CATSPERG: variants seen among roughly 807,000 people sequenced by gnomAD.
CATSPERG encodes the protein catsper channel auxiliary subunit gamma.
In CATSPERG, 115 loss-of-function variants were observed where a neutral mutation model predicts 145.0. The ratio of observed to expected loss-of-function variants is 0.79; its 90% CI spans 0.68 to 0.93. The LOEUF (loss-of-function observed/expected upper bound fraction) is 0.93. Among genes scored for constraint, CATSPERG ranks in the 40% least tolerant of loss-of-function variants. The probability of loss-of-function intolerance (pLI) is 0.00; values close to 1 mark genes in which losing one functional copy is unlikely to be tolerated. For synonymous variants in CATSPERG, 588 were observed against 589.0 expected (o/e 1.00, Z 0.02); for missense variants, 1,296 against 1,490.1 (o/e 0.87, Z 2.14).
Position 38,358,579 on chromosome 19 carries a change from CT to C in CATSPERG, c.1496+19del, listed in dbSNP as rs1479722292. 2 of 1,613,946 alleles carry C rather than the reference CT, an allele frequency of 1.2e-6. No individual in the cohort carries two copies. Among genetic ancestry groups the C allele is most frequent in the East Asian group, 2.2e-5 (1 of 44,866 alleles). On this transcript the variant is annotated intron_variant, in intron 13 of 28. Transcript: ENST00000409235. ...CTGCAGAGGTGGGCCTCTACCACCCCTGGGTGGGCCAGGCATACTCTGTCTC... is the reference window on the plus strand; with the variant it reads ...CTGCAGAGGTGGGCCTCTACCACCCCGGGTGGGCCAGGCATACTCTGTCTC...
At chr19:38,358,017 C>T in intron 11 of CATSPERG, 1 of 467,384 alleles carries the variant, frequency 2.1e-6, no homozygotes, top group Non-Finnish European at 3.9e-6. Flanking sequence ...ACTCCATAGG[C>T]TGAGGTGGGA....
At chr19:38,354,931 C>A in intron 9 of CATSPERG, 84 bp downstream of exon 9, 1 of 1,493,928 alleles carries the variant, frequency 6.7e-7, no homozygotes, top group South Asian at 1.2e-5. Context: ...GGCCCTCACT[C>A]ATTACCATGT....
At chr19:38,367,336 G>A in intron 23 of CATSPERG, 24 bp downstream of exon 23, 3 of 1,604,240 alleles carry the variant, frequency 1.9e-6, no homozygotes, top group Non-Finnish European at 2.5e-6. Flanking sequence ...CCCTTCCCCT[G>A]CACAGTTCAC....
intron 9 of CATSPERG, among the ~76,000 whole-genome samples, chr19:38,356,195 G>A (rs1033331193): frequency 1.3e-5 from 2 of 152,126 alleles, no homozygotes; most frequent in African/African-American, 4.8e-5. Flanking sequence ...CACGCCAAGA[G>A]AATGAAGACA....
At chr19:38,369,898 G>A (rs1970516660) in intron 26 of CATSPERG, 74 bp from the exon 27 acceptor site, 3 of 1,395,994 alleles carry the variant, frequency 2.1e-6, no homozygotes, top group Admixed American at 3.3e-5. Flanking sequence ...AAAACATTGG[G>A]TGGAGGAAGA....
At chr19:38,348,540 C>A (rs1403852054) in intron 7 of CATSPERG, among the ~76,000 whole-genome samples, 1 of 140,926 alleles carries the variant, frequency 7.1e-6, no homozygotes, top group African/African-American at 2.7e-5. Flanking sequence ...ATGGTGTGAT[C>A]TCAGCTCACT....
rs993348966 is a variant in CATSPERG, at chr19:38,358,841, G to T, written c.1496+280G>T. On this transcript the variant is annotated intron_variant, in intron 13 of 28. Coordinates refer to ENST00000409235, the MANE Select transcript of CATSPERG (RefSeq NM_021185.5). ...GAGCAATAGATGAGCAGTTTCTAGG[G>T]TTTTTTTTTGTTTTTGTTTTTGTTT... Among the ~76,000 whole-genome samples the T allele has an allele frequency of 7.3e-5, 11 of 150,608 alleles. No homozygotes were observed. The East Asian group carries it at 7.8e-4, about 11-fold the overall frequency.
At position 38,370,070 on chromosome 19, in the gene CATSPERG, C is replaced by G. The variant is rs751005680; in HGVS notation, c.3113+6C>G. 12 of 1,613,970 alleles carry G rather than the reference C, an allele frequency of 7.4e-6. No individual in the cohort carries two copies. Among genetic ancestry groups the G allele is most frequent in the Non-Finnish European group, 7.6e-6 (9 of 1,179,924 alleles). On this transcript the variant is annotated splice_donor_region_variant and intron_variant, in intron 27 of 28. Coordinates refer to ENST00000409235, the MANE Select transcript of CATSPERG (RefSeq NM_021185.5). ...AAGGTGTTGGTGAGCAATAGGTGAGCCAGGCAAGTGGCCCAGGTGCGGGTC... is the reference window on the plus strand; with the variant it reads ...AAGGTGTTGGTGAGCAATAGGTGAGGCAGGCAAGTGGCCCAGGTGCGGGTC...
Position 38,368,087 on chromosome 19 carries a change from C to T in CATSPERG, c.2970C>T (p.Thr990=), listed in dbSNP as rs1442905921. Residue 990 remains threonine, a synonymous_variant, in exon 26 of 29, where the codon ACC becomes ACT. Coordinates refer to ENST00000409235, the MANE Select transcript of CATSPERG (RefSeq NM_021185.5). Reference sequence around the variant, plus strand: ...TCTGGACCACGAGGACCACAAGGACCACCAAAGACTCAGCCTTTCACATCA... The same window carrying T: ...TCTGGACCACGAGGACCACAAGGACTACCAAAGACTCAGCCTTTCACATCA... ...SLIWTTRTTR[T]TKDSAFHIMS... is the part of the protein sequence containing the mutation. 6.2e-7 allele frequency: 1 copy of T among 1,614,192 alleles called. No individual in the cohort carries two copies. Among genetic ancestry groups the T allele is most frequent in the African/African-American group, 1.3e-5 (1 of 75,046 alleles).
At chr19:38,361,915 A>G in intron 17 of CATSPERG, 54 bp downstream of exon 17, 1 of 1,281,058 alleles carries the variant, frequency 7.8e-7, no homozygotes, top group Non-Finnish European at 1.0e-6. Flanking sequence ...GGCAGCCGGG[A>G]GCTGGCTTAG....
chr19:38,359,769 A>ATGCAGAC, intron 14 of CATSPERG, 188 bp downstream of exon 14: 1 of 1,348,252 alleles, frequency 7.4e-7, no homozygotes, highest in East Asian at 3.0e-5. Flanking sequence ...CTCCAAAGTC[A>ATGCAGAC]CGCAGACCGG....
chr19:38,352,342 A>G lies in CATSPERG; in HGVS notation c.907A>G (p.Thr303Ala). The change falls in exon 8 of 29, where the codon ACC becomes GCC. Residue 303 changes from threonine to alanine, a missense_variant. By Grantham distance (58) the Thr-to-Ala change is moderately conservative (BLOSUM62 0). Transcript: ENST00000409235. ...FTATIYDTIA[T>A]ESTLFIRQNQ... ...AGCCACCATCTATGACACTATTGCCACCGAGAGCACCCTCTTCATTCGGCA... is the reference window on the plus strand; with the variant it reads ...AGCCACCATCTATGACACTATTGCCGCCGAGAGCACCCTCTTCATTCGGCA... The G allele has an allele frequency of 6.4e-7, 1 of 1,551,616 alleles. No homozygotes were observed. The highest frequency in any genetic ancestry group is 1.2e-5 in the South Asian group (1 of 84,066).
At chr19:38,342,579 G>A (rs148555396) in intron 3 of CATSPERG, among the ~76,000 whole-genome samples, 108 of 148,894 alleles carry the variant, frequency 7.3e-4, no homozygotes, top group African/African-American at 2.6e-3. Context: ...TAGCCTGGGC[G>A]ACAGAGTGAG....
Position 38,360,639 on chromosome 19 carries a change from CTG to C in CATSPERG, c.1761_1762del (p.Tyr588ProfsTer34). The C allele has an allele frequency of 1.2e-6, 2 of 1,614,254 alleles. No individual in the cohort carries two copies. Among genetic ancestry groups the C allele is most frequent in the African/African-American group, 1.3e-5 (1 of 75,068 alleles). ...MLTLFYEDSK[L>X]YQLVYLMNNQ... ...GACCCTCTTCTACGAAGACAGCAAA[CTG>C]TACCAGGTGCCCGGTGGAGCTATGC... On this transcript the variant is annotated frameshift_variant, in exon 15 of 29. Coordinates refer to ENST00000409235, the MANE Select transcript of CATSPERG (RefSeq NM_021185.5). LOFTEE classifies it high-confidence loss of function.
In CATSPERG at chr19:38,356,521, G is replaced by A. The variant is rs764925813; in HGVS notation, c.1173G>A (p.Trp391Ter). ...QVSFEMLPRQ[W>*]SVCEQIGVTT... is the part of the protein sequence containing the mutation. The stretch of plus-strand genomic sequence containing the variant: ...CCTTTGAGATGCTGCCCAGGCAGTG[G>A]TCTGTGTGCGAGCAGATAGGAGGTA... The change falls in exon 10 of 29, where the codon TGG becomes TGA. Residue 391 changes from tryptophan to a stop codon, truncating the protein, a stop_gained. Coordinates refer to ENST00000409235, the MANE Select transcript of CATSPERG (RefSeq NM_021185.5). LOFTEE classifies it high-confidence loss of function. 6.2e-7 allele frequency: 1 copy of A among 1,614,002 alleles called. No individual in the cohort carries two copies. The highest frequency in any genetic ancestry group is 1.7e-5 in the Admixed American group (1 of 60,014).
At chr19:38,337,109 C>G in intron 1 of CATSPERG, 112 bp from the exon 2 acceptor site, 1 of 1,307,674 alleles carries the variant, frequency 7.6e-7, no homozygotes, top group Non-Finnish European at 1.0e-6. Context: ...GAGCAAGAGC[C>G]GGGGCGTGGC....
intron 3 of CATSPERG, among the ~76,000 whole-genome samples, chr19:38,340,895 AG>A (rs34081686): frequency 0.25 from 33,813 of 136,332 alleles, 4,088 homozygotes; most frequent in East Asian, 0.35. Flanking sequence ...GTTAGAAAGG[AG>A]GGGGGGGCAC....
chr19:38,336,044 G>A (rs1050000921), intron 1 of CATSPERG, 169 bp downstream of exon 1: 8 of 371,410 alleles, frequency 2.2e-5, no homozygotes, highest in African/African-American at 6.4e-5. Context: ...GAAGAGTCGT[G>A]GGAGCTGGCA....
intron 22 of CATSPERG, chr19:38,365,334 G>C (rs1003154672): frequency 3.7e-6 from 2 of 542,428 alleles, no homozygotes; most frequent in African/African-American, 3.8e-5. Context: ...CTGGAGTGCG[G>C]CGGCGCGGTC....
Sources: allele counts gnomAD v4.1 joint callset (sites outside exome capture counted in the v4.1 genomes callset), GRCh38; gene constraint gnomAD v4.1.1; transcripts MANE v1.5; gene names NCBI Gene and HGNC (gene_info 2026-07-23, HGNC 2026-07-21).